ATF7IP: variants seen among roughly 807,000 people sequenced by gnomAD.
ATF7IP encodes activating transcription factor 7 interacting protein, also known as activating transcription factor 7-interacting protein 1.
In ATF7IP, 23 loss-of-function variants were observed where a neutral mutation model predicts 106.4. The ratio of observed to expected loss-of-function variants is 0.22; its 90% CI spans 0.16 to 0.31. The LOEUF (loss-of-function observed/expected upper bound fraction) is 0.31. ATF7IP is among the 10% of genes least tolerant of loss of function. The pLI, the probability that ATF7IP is intolerant of heterozygous loss-of-function variation, is 1.00. For missense variants in ATF7IP, 1,334 were observed against 1,524.3 expected (o/e 0.88, Z 2.08); for synonymous variants, 542 against 539.0 (o/e 1.01, Z -0.08).
intron 10 of ATF7IP, among the ~76,000 whole-genome samples, chr12:14,466,962 C>T (rs1943856933): frequency 1.3e-5 from 2 of 152,196 alleles, no homozygotes; most frequent in East Asian, 1.9e-4. Flanking sequence ...TTTACCTTCA[C>T]TTGTACCACA....
chr12:14,386,252 G>A (rs775749605), intron 1 of ATF7IP, among the ~76,000 whole-genome samples: 42 of 152,010 alleles, frequency 2.8e-4, no homozygotes, highest in African/African-American at 9.4e-4. Context: ...TCTTAACATC[G>A]TTCTGGAGTA....
intron 9 of ATF7IP, among the ~76,000 whole-genome samples, chr12:14,465,655 G>A (rs1266354148): frequency 6.6e-6 from 1 of 151,924 alleles, no homozygotes; most frequent in Non-Finnish European, 1.5e-5. Flanking sequence ...TCTTTTAACA[G>A]GTGAATATTA....
intron 1 of ATF7IP, among the ~76,000 whole-genome samples, chr12:14,404,696 C>T (rs541647795): frequency 5.2e-4 from 79 of 152,106 alleles, no homozygotes; most frequent in African/African-American, 1.9e-3. Flanking sequence ...TCAGTTTACA[C>T]AAAATTTAAA....
At chr12:14,436,355 T>C in intron 4 of ATF7IP, 104 bp downstream of exon 4, 1 of 1,209,490 alleles carries the variant, frequency 8.3e-7, no homozygotes, top group Non-Finnish European at 1.1e-6. Context: ...TAATGTGGTT[T>C]ATCATAGAAA....
intron 1 of ATF7IP, among the ~76,000 whole-genome samples, chr12:14,421,413 T>C (rs1289480374): frequency 6.6e-6 from 1 of 152,196 alleles, no homozygotes. Flanking sequence ...ATCACGGTGT[T>C]GTCATTGCCA....
Position 14,496,422 on chromosome 12 carries a change from A to T in ATF7IP, c.3393+79A>T, listed in dbSNP as rs528917022. 1.3e-5 allele frequency: 12 copies of T among 905,416 alleles called. No individual in the cohort carries two copies. In the South Asian group the frequency reaches 1.7e-4, roughly 13 times the overall value. 56.1% of individuals were successfully genotyped at this position (905,416 alleles called of 1,614,324 possible). On this transcript the variant is annotated intron_variant, in intron 14 of 14. Transcript: ENST00000261168. ...TTATTGTATTTGGCATTTTTCTTTA[A>T]AATGGTTATATCCAAGGGAAGTGTT...
chr12:14,375,028 T>C (rs1190645734), intron 1 of ATF7IP, among the ~76,000 whole-genome samples: 3 of 152,144 alleles, frequency 2.0e-5, no homozygotes, highest in African/African-American at 4.8e-5. Context: ...AAGACCACTA[T>C]TAAAAGTGTA....
rs200034121 is a variant in ATF7IP at position 14,424,829 on chromosome 12, A to G, written c.914A>G (p.Asn305Ser). 15 of 1,613,894 alleles carry G rather than the reference A, an allele frequency of 9.3e-6. No individual in the cohort carries two copies. The highest frequency in any genetic ancestry group is 1.3e-5 in the African/African-American group (1 of 74,910). The change falls in exon 2 of 15, where the codon AAT (asparagine) becomes AGT (serine). Residue 305 changes from asparagine to serine, a missense_variant. Physicochemically the swap from Asn to Ser is conservative, Grantham distance 46 (BLOSUM62 1). This residue lies in a region of ATF7IP where 438 missense variants were observed against 405.3 expected (regional missense o/e 1.08). Coordinates refer to ENST00000261168, the MANE Select transcript of ATF7IP (RefSeq NM_018179.5). The stretch of plus-strand genomic sequence containing the variant: ...TGTGAACCAGTTCCTGAAATTGACA[A>G]TATAGAACCAAGTAGCAATAAAGAT... The part of the protein sequence containing the change: ...PVCEPVPEID[N>S]IEPSSNKDDD...
rs538585976 is a variant in ATF7IP, at chr12:14,447,194, C to T, written c.1995+141C>T. 2.7e-5 allele frequency: 13 copies of T among 475,708 alleles called. No individual in the cohort carries two copies. The South Asian group carries it at 6.5e-4, about 24-fold the overall frequency. 29.5% of individuals were successfully genotyped at this position (475,708 alleles called of 1,614,324 possible). On this transcript the variant is annotated intron_variant, in intron 6 of 14. Transcript: ENST00000261168. ...CTCCTCTATGTAATTTCTGGATCTT[C>T]AGCCCTAGAACTAATGAACCCCTTT...
chr12:14,377,973 T>G (rs138887782), intron 1 of ATF7IP, among the ~76,000 whole-genome samples: 134 of 152,242 alleles, frequency 8.8e-4, no homozygotes, highest in Non-Finnish European at 1.5e-3. Flanking sequence ...CAGATTCTTA[T>G]GGAAACTGTG....
intron 13 of ATF7IP, among the ~76,000 whole-genome samples, chr12:14,483,174 G>A (rs983416833): frequency 6.6e-6 from 1 of 152,182 alleles, no homozygotes; most frequent in African/African-American, 2.4e-5. Flanking sequence ...AAGCACCTCA[G>A]CTGGTCGTGG....
chr12:14,476,994 A>T (rs1001535467), intron 11 of ATF7IP, among the ~76,000 whole-genome samples: 1 of 152,152 alleles, frequency 6.6e-6, no homozygotes, highest in Admixed American at 6.5e-5. Flanking sequence ...AGCCTTTACT[A>T]TGCTAATTTA....
Position 14,424,744 on chromosome 12 carries a change from G to C in ATF7IP, c.829G>C (p.Asp277His). 1 of 1,614,142 alleles carries C rather than the reference G, an allele frequency of 6.2e-7. No individual in the cohort carries two copies. The highest frequency in any genetic ancestry group is 1.1e-5 in the South Asian group (1 of 91,078). Residue 277 changes from aspartate (D) to histidine (H), a missense_variant, in exon 2 of 15, where the codon GAT (aspartate) becomes CAT (histidine). Physicochemically the swap from Asp to His is moderately conservative, Grantham distance 81 (BLOSUM62 -1). This residue lies in a region of ATF7IP where 438 missense variants were observed against 405.3 expected (regional missense o/e 1.08). Coordinates refer to ENST00000261168, the MANE Select transcript of ATF7IP (RefSeq NM_018179.5). ...TCTGGCCACTGGTGAACTGGCCTCT[G>C]ATGAGCTGACTTCTGAATCAACCTT... ...DDLATGELAS[D>H]ELTSESTFDR... is the part of the protein sequence containing the mutation.
At chr12:14,388,069 G>C (rs1358841286) in intron 1 of ATF7IP, among the ~76,000 whole-genome samples, 1 of 145,218 alleles carries the variant, frequency 6.9e-6, no homozygotes, top group Admixed American at 7.0e-5. Context: ...GCTGGAGTGC[G>C]ATGATGCTTC....
chr12:14,453,239 AT>A (rs1943277452), intron 6 of ATF7IP, among the ~76,000 whole-genome samples: 2 of 151,908 alleles, frequency 1.3e-5, no homozygotes, highest in Admixed American at 6.6e-5. Flanking sequence ...TTGCATCTCC[AT>A]TTTCTTCTTC....
At position 14,456,591 on chromosome 12, in the gene ATF7IP, A is replaced by G. The variant is rs768970515; in HGVS notation, c.2026A>G (p.Lys676Glu). 1 of 1,612,736 alleles carries G rather than the reference A, an allele frequency of 6.2e-7. No individual in the cohort carries two copies. The highest frequency in any genetic ancestry group is 8.5e-7 in the Non-Finnish European group (1 of 1,179,526). The change falls in exon 7 of 15, where the codon AAA becomes GAA. Residue 676 changes from lysine to glutamate, a missense_variant. By Grantham distance (56) the Lys-to-Glu change is moderately conservative. Coordinates refer to ENST00000261168, the MANE Select transcript of ATF7IP (RefSeq NM_018179.5). ...HPPNPPVSPGKTVNDVNSNNN... is the reference protein window; with the variant it reads ...HPPNPPVSPGETVNDVNSNNN... ...ACCCAACCCACCAGTATCACCAGGAAAAACTGTAAATGATGTCAACAGCAA... is the reference window on the plus strand; with the variant it reads ...ACCCAACCCACCAGTATCACCAGGAGAAACTGTAAATGATGTCAACAGCAA...
intron 10 of ATF7IP, among the ~76,000 whole-genome samples, chr12:14,475,433 T>C (rs1195285519): frequency 6.6e-6 from 1 of 152,216 alleles, no homozygotes; most frequent in African/African-American, 2.4e-5. Flanking sequence ...GTTAATAGCA[T>C]AGCATACCAT....
chr12:14,401,014 C>G (rs544793551), intron 1 of ATF7IP, among the ~76,000 whole-genome samples: 1 of 152,040 alleles, frequency 6.6e-6, no homozygotes, highest in African/African-American at 2.4e-5. Context: ...AATACTAATC[C>G]TATATCACTA....
intron 9 of ATF7IP, among the ~76,000 whole-genome samples, chr12:14,463,355 G>A (rs1487928987): frequency 6.6e-6 from 1 of 151,938 alleles, no homozygotes; most frequent in African/African-American, 2.4e-5. Flanking sequence ...CTAAGGGCTT[G>A]GAAATTTAAA....
Sources: gnomAD v4.1 joint callset for allele counts (sites outside exome capture counted in the v4.1 genomes callset) on GRCh38, gnomAD v4.1.1 for gene constraint, gnomAD v4.1.1 regional missense constraint, MANE v1.5 for transcripts, NCBI Gene and HGNC (gene_info 2026-07-23, HGNC 2026-07-21) for gene names.